PPM1L: variants seen among roughly 807,000 people sequenced by gnomAD.
PPM1L encodes protein phosphatase, Mg2+/Mn2+ dependent 1L.
PPM1L carries 13 observed loss-of-function variants against 31.4 expected under a neutral mutation model. That is an observed-to-expected ratio of 0.41 (90% CI 0.27 to 0.66). The LOEUF (loss-of-function observed/expected upper bound fraction) is 0.66. PPM1L is among the 30% of genes least tolerant of loss of function. The pLI is 0.29. For missense variants in PPM1L, 326 were observed against 453.7 expected (o/e 0.72, Z 2.56); for synonymous variants, 184 against 175.4 (o/e 1.05, Z -0.39).
chr3:160,979,625 C>T (rs755624830), intron 2 of PPM1L, among the ~76,000 whole-genome samples: 3 of 151,962 alleles, frequency 2.0e-5, no homozygotes, highest in Non-Finnish European at 4.4e-5. Context: ...AGATAAGAAA[C>T]TCACAAGAGT....
intron 2 of PPM1L, among the ~76,000 whole-genome samples, chr3:160,973,442 G>C (rs1332525489): frequency 6.6e-6 from 1 of 152,214 alleles, no homozygotes; most frequent in East Asian, 1.9e-4. Flanking sequence ...TATCGGGATT[G>C]TGTAAACAAG....
intron 2 of PPM1L, among the ~76,000 whole-genome samples, chr3:160,965,258 G>A (rs1453477885): frequency 1.3e-5 from 2 of 151,190 alleles, no homozygotes; most frequent in African/African-American, 2.4e-5. Flanking sequence ...AAAAAAAAAA[G>A]AAAAAAGAAA....
intron 1 of PPM1L, among the ~76,000 whole-genome samples, chr3:160,868,297 C>T (rs1033226179): frequency 6.6e-6 from 1 of 152,176 alleles, no homozygotes; most frequent in Non-Finnish European, 1.5e-5. Context: ...CAGGCATTTT[C>T]CACCTGGAGA....
At chr3:160,922,128 G>C (rs1576715808) in intron 1 of PPM1L, among the ~76,000 whole-genome samples, 2 of 152,192 alleles carry the variant, frequency 1.3e-5, no homozygotes, top group Admixed American at 6.5e-5. Flanking sequence ...GGCTAACACG[G>C]TGAAACCCCA....
At chr3:160,929,114 C>A (rs1163893360) in intron 1 of PPM1L, among the ~76,000 whole-genome samples, 1 of 151,798 alleles carries the variant, frequency 6.6e-6, no homozygotes, top group Non-Finnish European at 1.5e-5. Context: ...CATCTAGTAA[C>A]CAGTGAATTG....
intron 1 of PPM1L, among the ~76,000 whole-genome samples, chr3:160,767,865 C>A (rs1246421927): frequency 6.6e-6 from 1 of 152,000 alleles, no homozygotes; most frequent in African/African-American, 2.4e-5. Flanking sequence ...TATACCATTT[C>A]TTTTTAATCT....
At chr3:160,941,483 T>C (rs1715161185) in intron 1 of PPM1L, among the ~76,000 whole-genome samples, 1 of 152,166 alleles carries the variant, frequency 6.6e-6, no homozygotes. Context: ...GGCCAGTGTT[T>C]CTCATGGTAT....
chr3:160,981,650 A>G (rs568006904), intron 2 of PPM1L, among the ~76,000 whole-genome samples: 9 of 152,240 alleles, frequency 5.9e-5, no homozygotes, highest in South Asian at 2.1e-4. Flanking sequence ...GCTAACTACC[A>G]TAGGGTGTAT....
intron 2 of PPM1L, among the ~76,000 whole-genome samples, chr3:161,003,636 T>C (rs1252930268): frequency 6.6e-6 from 1 of 152,196 alleles, no homozygotes; most frequent in East Asian, 1.9e-4. Flanking sequence ...TTTGGTTCTC[T>C]GTTTGTCTGT....
chr3:160,815,420 G>T (rs1053913707), intron 1 of PPM1L, among the ~76,000 whole-genome samples: 1 of 152,092 alleles, frequency 6.6e-6, no homozygotes, highest in Non-Finnish European at 1.5e-5. Flanking sequence ...TGCTGGTCAA[G>T]TAAGTTTGGG....
intron 2 of PPM1L, among the ~76,000 whole-genome samples, chr3:161,030,621 G>T (rs1718537304): frequency 6.6e-6 from 1 of 152,120 alleles, no homozygotes; most frequent in Non-Finnish European, 1.5e-5. Context: ...GGGAATTTGG[G>T]TATTTCATCA....
intron 2 of PPM1L, among the ~76,000 whole-genome samples, chr3:160,969,829 G>T (rs1281530237): frequency 6.6e-6 from 1 of 152,132 alleles, no homozygotes; most frequent in African/African-American, 2.4e-5. Flanking sequence ...TCTGTAGAAA[G>T]ATTTAATCTA....
At position 160,975,858 on chromosome 3, in the gene PPM1L, C is replaced by G. The variant is rs532082842; in HGVS notation, c.574+13948C>G. Among the ~76,000 whole-genome samples the G allele has an allele frequency of 6.8e-5, 10 of 147,468 alleles. No individual in the cohort carries two copies. The South Asian group carries it at 1.8e-3, about 26-fold the overall frequency. On this transcript the variant is annotated intron_variant, in intron 2 of 3. Coordinates refer to ENST00000498165, the MANE Select transcript of PPM1L (RefSeq NM_139245.4). Reference sequence around the variant, plus strand: ...ACTTCCTCTTTTCCTAATTGAATACCCTTTATTTCCTTCTCCTGCCTAATT... The same window carrying G: ...ACTTCCTCTTTTCCTAATTGAATACGCTTTATTTCCTTCTCCTGCCTAATT...
At chr3:160,859,083 C>CT (rs1043620822) in intron 1 of PPM1L, among the ~76,000 whole-genome samples, 1 of 152,044 alleles carries the variant, frequency 6.6e-6, no homozygotes, top group Non-Finnish European at 1.5e-5. Flanking sequence ...AAAGAAGATG[C>CT]TTTTTTCCCT....
At chr3:160,817,872 C>G (rs1202677756) in intron 1 of PPM1L, among the ~76,000 whole-genome samples, 1 of 151,914 alleles carries the variant, frequency 6.6e-6, no homozygotes, top group Non-Finnish European at 1.5e-5. Context: ...GATAAGTATT[C>G]TCTTTTGATG....
intron 1 of PPM1L, among the ~76,000 whole-genome samples, chr3:160,769,275 G>A (rs189607229): frequency 6.6e-6 from 1 of 152,118 alleles, no homozygotes; most frequent in Non-Finnish European, 1.5e-5. Flanking sequence ...TTGGGAAGGG[G>A]GTTTAGAGAA....
In PPM1L at chr3:160,871,747, C is replaced by T. The variant is rs1353724926; in HGVS notation, c.400-89989C>T. On this transcript the variant is annotated intron_variant, in intron 1 of 3. Transcript: ENST00000498165. ...GACTTGTTTCCCTCTGTTTTTTCCT[C>T]TGTTGTCTCCTTCCTTTTTTTTTTC... Among the ~76,000 whole-genome samples the T allele has an allele frequency of 2.0e-5, 3 of 151,362 alleles. 1 individual carries two copies. Among genetic ancestry groups the T allele is most frequent in the African/African-American group, 7.3e-5 (3 of 41,234 alleles).
In PPM1L at chr3:160,808,289, C is replaced by CTGTGTG. The variant is rs10545216; in HGVS notation, c.399+51609_399+51614dup. Reference sequence around the variant, plus strand: ...AACTGCCCTTTGCCAGGATTTTCCTCTGTGTGTGTGTGTGTGTGTGTGTGT... The same window carrying CTGTGTG: ...AACTGCCCTTTGCCAGGATTTTCCTCTGTGTGTGTGTGTGTGTGTGTGTGTGTGTGT... On this transcript the variant is annotated intron_variant, in intron 1 of 3. Transcript: ENST00000498165. Among the ~76,000 whole-genome samples, 663 of 136,096 alleles carry CTGTGTG rather than the reference C, an allele frequency of 4.9e-3. 17 individuals are homozygous for CTGTGTG. Among genetic ancestry groups the CTGTGTG allele is most frequent in the African/African-American group, 0.018 (615 of 33,840 alleles). The allele number at this position is 136,096 out of a possible 152,430, so 89.3% of individuals were successfully genotyped here.
intron 1 of PPM1L, among the ~76,000 whole-genome samples, chr3:160,941,626 TCTC>T: frequency 6.6e-6 from 1 of 152,180 alleles, no homozygotes; most frequent in Non-Finnish European, 1.5e-5. Context: ...GATTCTGAGG[TCTC>T]CTCAGCCATG....
Sources: allele counts gnomAD v4.1 joint callset (sites outside exome capture counted in the v4.1 genomes callset), GRCh38; gene constraint gnomAD v4.1.1; transcripts MANE v1.5; gene names NCBI Gene and HGNC (gene_info 2026-07-23, HGNC 2026-07-21).